Variants in RPS6KA2 observed in about 807,000 individuals in gnomAD.
RPS6KA2 encodes ribosomal protein S6 kinase A2, also known as ribosomal protein S6 kinase alpha-2.
A neutral mutation model predicts 91.8 loss-of-function variants in RPS6KA2; 42 were observed. That is an observed-to-expected ratio of 0.46 (90% CI 0.36 to 0.59). RPS6KA2 has a LOEUF of 0.59. Ranked by LOEUF, RPS6KA2 falls within the 20% of genes least tolerant of loss-of-function variation. The pLI, the probability that RPS6KA2 is intolerant of heterozygous loss-of-function variation, is 0.00. For synonymous variants in RPS6KA2, 414 were observed against 393.6 expected, an observed-to-expected ratio of 1.05 and a Z score of -0.61; for missense variants, 798 against 978.5, an observed-to-expected ratio of 0.82 and a Z score of 2.46.
chr6:166,721,364 G>C (rs544089613), intron 2 of RPS6KA2, among the ~76,000 whole-genome samples: 3 of 152,314 alleles, frequency 2.0e-5, no homozygotes, highest in African/African-American at 7.2e-5. Flanking sequence ...CTGACGGCCA[G>C]GACCCGGGAG....
chr6:166,837,140 A>G (rs1178601914), intron 2 of RPS6KA2, among the ~76,000 whole-genome samples: 1 of 152,120 alleles, frequency 6.6e-6, no homozygotes, highest in African/African-American at 2.4e-5. Context: ...GTGCGTGGTG[A>G]GGCCAGGGGG....
At chr6:166,491,384 C>T (rs1293673912) in intron 8 of RPS6KA2, among the ~76,000 whole-genome samples, 3 of 152,164 alleles carry the variant, frequency 2.0e-5, no homozygotes, top group South Asian at 2.1e-4. Context: ...CTTTCTTGCA[C>T]CAACTCCCCC....
chr6:166,702,396 C>T lies in RPS6KA2; in HGVS notation c.123+155804G>A, dbSNP rs112049095. ...TAGGCTACTTTCAAGGTGAAATTCT[C>T]TAACTGAAATCCATTCAGTTTGTCT... is the stretch of plus-strand genomic sequence containing the variant. On this transcript the variant is annotated intron_variant, in intron 2 of 21. Coordinates refer to the RPS6KA2 transcript ENST00000503859. 104 of 1,607,284 alleles carry T rather than the reference C, an allele frequency of 6.5e-5. 1 individual carries two copies. The African/African-American group carries it at 1.1e-3, about 18-fold the overall frequency.
chr6:166,677,362 GTTT>G (rs199505387), intron 2 of RPS6KA2, among the ~76,000 whole-genome samples: 5 of 141,308 alleles, frequency 3.5e-5, no homozygotes, highest in Admixed American at 7.2e-5. Flanking sequence ...GTTCATATCA[GTTT>G]TTTTTTTTTT....
chr6:166,682,894 A>C (rs571245990), intron 2 of RPS6KA2, among the ~76,000 whole-genome samples: 23 of 152,188 alleles, frequency 1.5e-4, no homozygotes, highest in Admixed American at 7.9e-4. Flanking sequence ...CCAGGTGATC[A>C]TGTGGGTTCC....
At chr6:166,785,293 C>G (rs1032910034) in intron 2 of RPS6KA2, among the ~76,000 whole-genome samples, 2 of 152,220 alleles carry the variant, frequency 1.3e-5, no homozygotes, top group African/African-American at 4.8e-5. Flanking sequence ...TGCCACCCCC[C>G]ACTAGGCTGC....
At chr6:166,694,509 G>C (rs1038814400) in intron 2 of RPS6KA2, among the ~76,000 whole-genome samples, 4 of 152,224 alleles carry the variant, frequency 2.6e-5, no homozygotes, top group African/African-American at 9.7e-5. Context: ...CTGAAACTGC[G>C]AAGAACAAAG....
chr6:166,632,981 G>A (rs773738500), intron 2 of RPS6KA2, among the ~76,000 whole-genome samples: 18 of 152,332 alleles, frequency 1.2e-4, no homozygotes, highest in Admixed American at 4.6e-4. Flanking sequence ...TCGGGAGGCC[G>A]AGATGGGCAG....
At chr6:166,483,889 C>T (rs1041162090) in intron 10 of RPS6KA2, among the ~76,000 whole-genome samples, 1 of 152,210 alleles carries the variant, frequency 6.6e-6, no homozygotes, top group Non-Finnish European at 1.5e-5. Flanking sequence ...GAGGAGATGA[C>T]AGGTGCGCAT....
chr6:166,695,340 A>C (rs1308261746), intron 2 of RPS6KA2, among the ~76,000 whole-genome samples: 2 of 152,238 alleles, frequency 1.3e-5, no homozygotes, highest in African/African-American at 2.4e-5. Flanking sequence ...CCCCAGGAGC[A>C]AACCCGGAGC....
intron 2 of RPS6KA2, among the ~76,000 whole-genome samples, chr6:166,755,324 T>C (rs747352366): frequency 6.6e-6 from 1 of 152,078 alleles, no homozygotes; most frequent in Non-Finnish European, 1.5e-5. Flanking sequence ...GCAAAAACCT[T>C]ATGAAGAGAT....
chr6:166,702,622 G>A (rs937947228), intron 2 of RPS6KA2: 10 of 1,570,862 alleles, frequency 6.4e-6, no homozygotes, highest in Non-Finnish European at 8.8e-6. Flanking sequence ...TTTTGGGACC[G>A]AGTGCTCAAC....
intron 2 of RPS6KA2, among the ~76,000 whole-genome samples, chr6:166,715,858 T>G (rs542738757): frequency 1.3e-5 from 2 of 151,818 alleles, no homozygotes; most frequent in Non-Finnish European, 2.9e-5. Context: ...GGCAACATGG[T>G]GAAACCCCGT....
At chr6:166,505,172 T>C (rs1359072456) in intron 5 of RPS6KA2, among the ~76,000 whole-genome samples, 1 of 152,128 alleles carries the variant, frequency 6.6e-6, no homozygotes, top group Non-Finnish European at 1.5e-5. Flanking sequence ...CAGAGTTGGC[T>C]ATGGGTGCCC....
Position 166,626,294 on chromosome 6 carries a change from G to C in RPS6KA2, c.99+627C>G, listed in dbSNP as rs183517486. Among the ~76,000 whole-genome samples, 218 of 152,344 alleles carry C rather than the reference G, an allele frequency of 1.4e-3. 2 individuals are homozygous for C. The highest frequency in any genetic ancestry group is 5.2e-3 in the African/African-American group (215 of 41,576). ...AAGGACAGGGCTTTGGGAGTACTCT[G>C]GGTTTTCAGGACGAATCTGTATCAG... On this transcript the variant is annotated intron_variant, in intron 1 of 20. Transcript: ENST00000265678. The surrounding 1 kb of genome is among the most constrained non-coding windows in gnomAD (Gnocchi z 4.1).
At chr6:166,536,179 A>G (rs988851415) in intron 2 of RPS6KA2, among the ~76,000 whole-genome samples, 1 of 152,238 alleles carries the variant, frequency 6.6e-6, no homozygotes, top group East Asian at 1.9e-4. Context: ...AGCCCTGTTG[A>G]AGGACTCGGC....
At chr6:166,440,853 G>T (rs1357237062) in intron 14 of RPS6KA2, among the ~76,000 whole-genome samples, 2 of 152,234 alleles carry the variant, frequency 1.3e-5, no homozygotes, top group Non-Finnish European at 2.9e-5. Context: ...CGCTGCAGCC[G>T]CAAGTGCCGC....
chr6:166,524,631 C>T (rs1782963478), intron 3 of RPS6KA2, among the ~76,000 whole-genome samples: 1 of 152,208 alleles, frequency 6.6e-6, no homozygotes, highest in Non-Finnish European at 1.5e-5. Context: ...GCTCCAAAGC[C>T]AAGCAGTCTT....
intron 2 of RPS6KA2, among the ~76,000 whole-genome samples, chr6:166,839,870 C>T (rs1234040008): frequency 6.6e-6 from 1 of 150,862 alleles, no homozygotes; most frequent in East Asian, 1.9e-4. Context: ...TGGACTTCTG[C>T]TCTCAAAAGT....
Sources: gnomAD v4.1 joint callset for allele counts (sites outside exome capture counted in the v4.1 genomes callset) on GRCh38, gnomAD v4.1.1 for gene constraint, Gnocchi (gnomAD v3.1) non-coding constraint, MANE v1.5 for transcripts, NCBI Gene and HGNC (gene_info 2026-07-23, HGNC 2026-07-21) for gene names.